MGAM: variants seen among roughly 807,000 people sequenced by gnomAD.
The protein encoded by MGAM is maltase-glucoamylase.
MGAM carries 253 observed loss-of-function variants against 358.8 expected under a neutral mutation model. The observed-to-expected ratio is 0.71, with a 90% CI of 0.64 to 0.78. The LOEUF (loss-of-function observed/expected upper bound fraction) is 0.78. Among genes scored for constraint, MGAM ranks in the 30% least tolerant of loss-of-function variants. The pLI is 0.00. For missense variants in MGAM, 3,080 were observed against 3,432.6 expected, an observed-to-expected ratio of 0.90 and a Z score of 2.57; for synonymous variants, 1,105 against 1,227.1, an observed-to-expected ratio of 0.90 and a Z score of 2.08.
intron 23 of MGAM, 45 bp from the exon 24 acceptor site, chr7:142,050,652 A>G (rs762653962): frequency 1.9e-5 from 29 of 1,555,656 alleles, no homozygotes; most frequent in Middle Eastern, 1.7e-4. Context: ...GAATCTGTGT[A>G]TACTCATATA....
chr7:142,080,447 A>G (rs1210507326), intron 49 of MGAM, among the ~76,000 whole-genome samples: 1 of 146,246 alleles, frequency 6.8e-6, no homozygotes, highest in Non-Finnish European at 1.5e-5. Flanking sequence ...TTATTTTTCA[A>G]TTCAGAAAAG....
chr7:142,097,550 G>T (rs756128738), intron 65 of MGAM, 43 bp from the exon 66 acceptor site: 2 of 1,580,180 alleles, frequency 1.3e-6, no homozygotes, highest in East Asian at 2.2e-5. Context: ...CTCTGTCCTG[G>T]AAAATGGTGC....
chr7:142,041,606 G>C (rs914708221), intron 21 of MGAM, among the ~76,000 whole-genome samples: 2 of 151,352 alleles, frequency 1.3e-5, no homozygotes, highest in Admixed American at 6.6e-5. Context: ...TCACAACCTG[G>C]TTTCACGTTA....
intron 69 of MGAM, among the ~76,000 whole-genome samples, chr7:142,102,907 A>G (rs1816561551): frequency 6.6e-6 from 1 of 152,342 alleles, no homozygotes; most frequent in Non-Finnish European, 1.5e-5. Context: ...CTAGTTTACC[A>G]TGTTACAGGT....
Position 142,084,668 on chromosome 7 carries a change from G to A in MGAM, c.6507+24G>A. ...ATGTACGTTCTCAGTCATGGCTCTG[G>A]AGTTTGAAAACTAACCCAGGTGCCT... On this transcript the variant is annotated intron_variant, in intron 54 of 70. Transcript: ENST00000475668. 8.4e-6 allele frequency: 13 copies of A among 1,548,436 alleles called. 4 individuals carry two copies. The highest frequency in any genetic ancestry group is 1.2e-5 in the Non-Finnish European group (13 of 1,128,662).
chr7:142,007,405 A>T (rs1350416505), intron 2 of MGAM, among the ~76,000 whole-genome samples: 6 of 152,076 alleles, frequency 3.9e-5, no homozygotes, highest in African/African-American at 1.4e-4. Flanking sequence ...CAGGCAATCA[A>T]GTGTTAACCT....
chr7:142,019,219 C>A lies in MGAM; in HGVS notation c.348C>A (p.Gly116=), dbSNP rs1408712975. 1 of 1,613,348 alleles carries A rather than the reference C, an allele frequency of 6.2e-7. No individual in the cohort carries two copies. The highest frequency in any genetic ancestry group is 1.3e-5 in the African/African-American group (1 of 74,922). The change falls in exon 4 of 71, where the codon GGC becomes GGA. Residue 116 remains glycine, a synonymous_variant. Transcript: ENST00000475668. Reference sequence around the variant, plus strand: ...TTCAGGCCACATGTGACCAACGTGGCTGTTGCTGGAATCCCCAGGGAGCTG... The same window carrying A: ...TTCAGGCCACATGTGACCAACGTGGATGTTGCTGGAATCCCCAGGGAGCTG... ...PPTKATCDQR[G]CCWNPQGAVS...
chr7:142,059,354 T>C (rs892149120), intron 31 of MGAM, 118 bp from the exon 32 acceptor site: 14 of 1,467,712 alleles, frequency 9.5e-6, no homozygotes, highest in African/African-American at 4.2e-5. Flanking sequence ...AGAGCTGGGA[T>C]TTGAATGCAT....
At chr7:142,027,801 T>C in intron 10 of MGAM, 66 bp downstream of exon 10, 1 of 1,417,560 alleles carries the variant, frequency 7.1e-7, no homozygotes, top group Non-Finnish European at 9.3e-7. Context: ...GAAAAACTGT[T>C]TATATTTTCT....
intron 18 of MGAM, among the ~76,000 whole-genome samples, chr7:142,037,957 A>G (rs1808137106): frequency 6.6e-6 from 1 of 152,158 alleles, no homozygotes. Flanking sequence ...TATTGACTAT[A>G]GTCACCCTAT....
Position 142,105,867 on chromosome 7 carries a change from A to C in MGAM, c.8238A>C (p.Ser2746=), listed in dbSNP as rs376289769. Residue 2746 remains serine (S), a synonymous_variant, in exon 71 of 71, where the codon TCA becomes TCC. Transcript: ENST00000475668. ...DRNISLHNFT[S]LTWISTL The stretch of plus-strand genomic sequence containing the variant: ...ACATCAGCCTACATAATTTTACTTC[A>C]TTGACGTGGATAAGCACTCTGTGAA... The C allele has an allele frequency of 1.2e-5, 19 of 1,612,468 alleles. No individual in the cohort carries two copies. Among genetic ancestry groups the C allele is most frequent in the Non-Finnish European group, 1.3e-5 (15 of 1,178,722 alleles).
upstream of MGAM, among the ~76,000 whole-genome samples, chr7:141,995,340 C>T (rs1804151271): frequency 6.6e-6 from 1 of 151,956 alleles, no homozygotes. Flanking sequence ...ATTTATAGTT[C>T]TGCAAAGGCA....
intron 21 of MGAM, among the ~76,000 whole-genome samples, chr7:142,041,805 T>A (rs1263108953): frequency 6.4e-5 from 9 of 141,358 alleles, no homozygotes; most frequent in African/African-American, 2.4e-4. Context: ...CAGCAAGAAA[T>A]CTTTCCTTAA....
At chr7:142,041,288 A>G (rs1808507942) in intron 21 of MGAM, among the ~76,000 whole-genome samples, 1 of 152,072 alleles carries the variant, frequency 6.6e-6, no homozygotes, top group South Asian at 2.1e-4. Flanking sequence ...GTGCACATTT[A>G]TATCTTCATG....
At chr7:142,042,580 A>G (rs1441760566) in intron 21 of MGAM, among the ~76,000 whole-genome samples, 1 of 51,258 alleles carries the variant, frequency 2.0e-5, no homozygotes, top group African/African-American at 7.4e-5. Context: ...TATAATATAT[A>G]TTATATATAC....
intron 53 of MGAM, among the ~76,000 whole-genome samples, chr7:142,083,827 G>A (rs1191665534): frequency 2.1e-5 from 3 of 144,140 alleles, no homozygotes; most frequent in African/African-American, 4.9e-5. Context: ...GTTGGTGATG[G>A]TGGTGATAGT....
In MGAM at chr7:142,097,577, T is replaced by G. The variant is rs745582363; in HGVS notation, c.7693-16T>G. ...AAATGGTGCCACTGCCACACCTTGT[T>G]TATGTTTCATTTTAGAATGCCAGAA... On this transcript the variant is annotated splice_polypyrimidine_tract_variant and intron_variant, in intron 65 of 70. Coordinates refer to ENST00000475668, the MANE Select transcript of MGAM (RefSeq NM_001365693.1). 3 of 1,610,326 alleles carry G rather than the reference T, an allele frequency of 1.9e-6. No homozygotes were observed. In the African/African-American group the frequency reaches 4.0e-5, roughly 22 times the overall value.
intron 7 of MGAM, among the ~76,000 whole-genome samples, chr7:142,023,446 T>C (rs78057937): frequency 0.037 from 5,627 of 150,736 alleles, 312 homozygotes; most frequent in African/African-American, 0.12. Flanking sequence ...TATATATATA[T>C]ACACACACAC....
rs1314858994 is a variant in MGAM at position 142,079,551 on chromosome 7, A to G, written c.5847+543A>G. Among the ~76,000 whole-genome samples the G allele has an allele frequency of 4.1e-5, 6 of 146,212 alleles. 1 individual carries two copies. Among genetic ancestry groups the G allele is most frequent in the African/African-American group, 4.9e-5 (2 of 41,110 alleles). ...TTGGGATACTGAATTTGAGATACGT[A>G]TAAAATAGCCACCAACCTGCAGCGA... On this transcript the variant is annotated intron_variant, in intron 49 of 70. Coordinates refer to ENST00000475668, the MANE Select transcript of MGAM (RefSeq NM_001365693.1).
Sources: gnomAD v4.1 joint callset for allele counts (sites outside exome capture counted in the v4.1 genomes callset) on GRCh38, gnomAD v4.1.1 for gene constraint, MANE v1.5 for transcripts, NCBI Gene and HGNC (gene_info 2026-07-23, HGNC 2026-07-21) for gene names.